Variants in RFX3 observed in about 807,000 individuals in gnomAD.
The protein encoded by RFX3 is regulatory factor X3, also known as transcription factor RFX3.
A neutral mutation model predicts 98.6 loss-of-function variants in RFX3; 14 were observed. That is an observed-to-expected ratio of 0.14 (90% CI 0.09 to 0.22). RFX3 has a LOEUF of 0.22. RFX3 is among the 10% of genes least tolerant of loss of function. The pLI, the probability that RFX3 is intolerant of heterozygous loss-of-function variation, is 1.00. For missense variants in RFX3, 639 were observed against 926.9 expected, an observed-to-expected ratio of 0.69 and a Z score of 4.03; for synonymous variants, 383 against 328.4, an observed-to-expected ratio of 1.17 and a Z score of -1.80.
chr9:3,289,761 G>A (rs543317328), intron 6 of RFX3, among the ~76,000 whole-genome samples: 2 of 152,130 alleles, frequency 1.3e-5, no homozygotes, highest in African/African-American at 4.8e-5. Flanking sequence ...ATTTAACTTG[G>A]AGATGGGATC....
intron 13 of RFX3, 68 bp downstream of exon 13, chr9:3,262,861 TTGATGA>T (rs1454346586): frequency 2.1e-5 from 30 of 1,460,602 alleles, no homozygotes; most frequent in Non-Finnish European, 2.8e-5. Context: ...GAAAAGAAAT[TTGATGA>T]TCCCAATTAA....
intron 2 of RFX3, among the ~76,000 whole-genome samples, chr9:3,379,089 A>G (rs79862983): frequency 0.025 from 3,744 of 152,314 alleles, 168 homozygotes; most frequent in African/African-American, 0.086. Flanking sequence ...CTGAGGACCC[A>G]TTATGTGCCA....
At chr9:3,311,449 C>T (rs1052947469) in intron 4 of RFX3, among the ~76,000 whole-genome samples, 1 of 152,166 alleles carries the variant, frequency 6.6e-6, no homozygotes, top group African/African-American at 2.4e-5. Flanking sequence ...GAGGGTACAT[C>T]CTATAGGAAG....
intron 2 of RFX3, among the ~76,000 whole-genome samples, chr9:3,390,054 G>A (rs1840142945): frequency 6.6e-6 from 1 of 152,178 alleles, no homozygotes. Context: ...GAAATTAGAA[G>A]CCTTATGGCT....
chr9:3,456,714 A>C (rs969847171), intron 1 of RFX3, among the ~76,000 whole-genome samples: 1 of 152,180 alleles, frequency 6.6e-6, no homozygotes, highest in African/African-American at 2.4e-5. Context: ...CACTGTCTGA[A>C]ACCGTGCTAA....
chr9:3,434,542 C>T (rs1342306098), intron 1 of RFX3, among the ~76,000 whole-genome samples: 1 of 152,118 alleles, frequency 6.6e-6, no homozygotes, highest in Non-Finnish European at 1.5e-5. Flanking sequence ...TCTTGTATTT[C>T]CTTAAACTTT....
intron 2 of RFX3, among the ~76,000 whole-genome samples, chr9:3,383,965 G>C (rs1364606160): frequency 6.6e-6 from 1 of 152,176 alleles, no homozygotes; most frequent in African/African-American, 2.4e-5. Context: ...AGAAAAGTAA[G>C]TGTTCCATTA....
At chr9:3,403,013 ATATATATGTATT>A (rs1289716942) in intron 1 of RFX3, among the ~76,000 whole-genome samples, 3 of 152,064 alleles carry the variant, frequency 2.0e-5, no homozygotes, top group Non-Finnish European at 4.4e-5. Flanking sequence ...TATGTTACAC[ATATATATGTATT>A]TTAAACATAT....
chr9:3,356,973 G>GCA lies in RFX3; in HGVS notation c.118-10211_118-10210dup, dbSNP rs200669491. Among the ~76,000 whole-genome samples, 769 of 128,948 alleles carry GCA rather than the reference G, an allele frequency of 6.0e-3. 5 individuals are homozygous for GCA. Among genetic ancestry groups the GCA allele is most frequent in the East Asian group, 0.012 (58 of 4,750 alleles). The allele number at this position is 128,948 out of a possible 152,430, so 84.6% of individuals were successfully genotyped here. ...CACACATACACACATGCACACACAC[G>GCA]CACACACACACACACACACACACAC... is the stretch of plus-strand genomic sequence containing the variant. On this transcript the variant is annotated intron_variant, in intron 2 of 16. Coordinates refer to ENST00000617270, the MANE Select transcript of RFX3 (RefSeq NM_001282116.2).
chr9:3,445,326 T>C (rs890436307), intron 1 of RFX3, among the ~76,000 whole-genome samples: 1 of 149,544 alleles, frequency 6.7e-6, no homozygotes, highest in African/African-American at 2.4e-5. Flanking sequence ...ATAATAGTAA[T>C]AGCCACTACT....
At chr9:3,282,763 C>T (rs1041590692) in intron 7 of RFX3, among the ~76,000 whole-genome samples, 1 of 151,766 alleles carries the variant, frequency 6.6e-6, no homozygotes, top group Non-Finnish European at 1.5e-5. Context: ...GAATGACAAT[C>T]TGGCTCCATC....
chr9:3,490,463 T>G (rs1850644909), intron 1 of RFX3: 2 of 168,254 alleles, frequency 1.2e-5, no homozygotes, highest in Admixed American at 6.5e-5. Context: ...TTATATTAAT[T>G]ACATAACTGA....
rs1817266749 is a variant in RFX3, at chr9:3,220,210, AAT to A, written c.*4830_*4831del. ...ATATTTTATGAGCGATCTAACTCCAAATAGCCTAACTGCCCCCAAAGAGTTCA... is the reference window on the plus strand; with the variant it reads ...ATATTTTATGAGCGATCTAACTCCAAAGCCTAACTGCCCCCAAAGAGTTCA... On this transcript the variant is annotated 3_prime_UTR_variant, in exon 17 of 17. Transcript: ENST00000617270. 6.6e-6 allele frequency: 1 copy of A among 152,156 alleles called. No homozygotes were observed. Among genetic ancestry groups the A allele is most frequent in the Non-Finnish European group, 1.5e-5 (1 of 68,020 alleles). The allele number at this position is 152,156 out of a possible 1,614,324, so 9.4% of individuals were successfully genotyped here. A position where few individuals can be genotyped will look rare whatever the true frequency, so the allele number is the denominator to read the frequency against.
rs1290281258 is a variant in RFX3, at chr9:3,218,656, CAT to C, written c.*6384_*6385del. 5.9e-5 allele frequency: 9 copies of C among 152,104 alleles called. No homozygotes were observed. The highest frequency in any genetic ancestry group is 1.9e-4 in the East Asian group (1 of 5,190). 9.4% of individuals were successfully genotyped at this position (152,104 alleles called of 1,614,324 possible). On this transcript the variant is annotated 3_prime_UTR_variant, in exon 17 of 17. Coordinates refer to ENST00000617270, the MANE Select transcript of RFX3 (RefSeq NM_001282116.2). Reference sequence around the variant, plus strand: ...AAATACATTATACAAAAAACCATCACATGTTATTCGGTAAAGATGTTTTTAAA... The same window carrying C: ...AAATACATTATACAAAAAACCATCACGTTATTCGGTAAAGATGTTTTTAAA...
rs947846388 is a variant in RFX3, at chr9:3,227,801, T to G, written c.2011+1046A>C. 2.6e-5 allele frequency among the ~76,000 whole-genome samples: 4 copies of G among 152,338 alleles called. No homozygotes were observed. The South Asian group carries it at 8.3e-4, about 32-fold the overall frequency. ...GTTATTTGGTTAATCCTATAGAGTA[T>G]ATATTTGTAGCAACAATTTTTTTGG... On this transcript the variant is annotated intron_variant, in intron 16 of 16. Coordinates refer to ENST00000617270, the MANE Select transcript of RFX3 (RefSeq NM_001282116.2).
At chr9:3,500,305 T>C (rs957320335) in intron 1 of RFX3, among the ~76,000 whole-genome samples, 1 of 151,762 alleles carries the variant, frequency 6.6e-6, no homozygotes, top group East Asian at 1.9e-4. Flanking sequence ...AGAAAAGAGG[T>C]AGAAGAAAAT....
chr9:3,470,252 GACAGGGC>G (rs1219481834), intron 1 of RFX3, among the ~76,000 whole-genome samples: 1 of 151,790 alleles, frequency 6.6e-6, no homozygotes, highest in Non-Finnish European at 1.5e-5. Flanking sequence ...ACTAGTAACT[GACAGGGC>G]AAGATTCCAT....
chr9:3,400,548 T>G (rs1193177849), intron 1 of RFX3, among the ~76,000 whole-genome samples: 1 of 152,240 alleles, frequency 6.6e-6, no homozygotes, highest in Non-Finnish European at 1.5e-5. Context: ...TCATGCCAGT[T>G]GATAAAAACT....
intron 3 of RFX3, among the ~76,000 whole-genome samples, chr9:3,340,060 G>C (rs1316333784): frequency 6.6e-6 from 1 of 152,094 alleles, no homozygotes; most frequent in African/African-American, 2.4e-5. Flanking sequence ...CAAAGATATA[G>C]ACCAACGGAA....
Sources: allele counts gnomAD v4.1 joint callset (sites outside exome capture counted in the v4.1 genomes callset), GRCh38; gene constraint gnomAD v4.1.1; transcripts MANE v1.5; gene names NCBI Gene and HGNC (gene_info 2026-07-23, HGNC 2026-07-21).